NRG3: variants seen among roughly 807,000 people sequenced by gnomAD.
The protein encoded by NRG3 is neuregulin 3, also known as pro-neuregulin-3, membrane-bound isoform.
Under a neutral mutation model 66.9 loss-of-function variants are expected in NRG3, and 31 were observed. The observed-to-expected ratio is 0.46, with a 90% CI of 0.35 to 0.63. NRG3 has a LOEUF of 0.63. NRG3 is among the 20% of genes least tolerant of loss of function. NRG3 has a pLI of 0.00. For missense variants in NRG3, 910 were observed against 878.9 expected (o/e 1.04, Z -0.45); for synonymous variants, 393 against 359.4 (o/e 1.09, Z -1.06).
chr10:82,105,791 G>A (rs1188060943), intron 1 of NRG3, among the ~76,000 whole-genome samples: 1 of 152,060 alleles, frequency 6.6e-6, no homozygotes, highest in Non-Finnish European at 1.5e-5. Flanking sequence ...GAGATAACAG[G>A]GATAAAGGAA....
At chr10:81,916,733 G>A (rs897408670) in intron 1 of NRG3, among the ~76,000 whole-genome samples, 13 of 152,182 alleles carry the variant, frequency 8.5e-5, no homozygotes, top group African/African-American at 3.1e-4. Context: ...GCCTTGATTT[G>A]TATTTGAGGC....
intron 1 of NRG3, chr10:82,166,742 TG>T: frequency 3.0e-6 from 2 of 666,088 alleles, no homozygotes; most frequent in South Asian, 1.6e-5. Context: ...TATAATCATC[TG>T]GTATTATTTT....
chr10:82,623,602 A>G (rs1034237361), intron 2 of NRG3, among the ~76,000 whole-genome samples: 1 of 152,286 alleles, frequency 6.6e-6, no homozygotes, highest in East Asian at 1.9e-4. Context: ...TTTTCAGCCA[A>G]ATTGTAGTAC....
chr10:82,194,282 G>A (rs2074331195), intron 1 of NRG3, among the ~76,000 whole-genome samples: 1 of 152,118 alleles, frequency 6.6e-6, no homozygotes, highest in Non-Finnish European at 1.5e-5. Flanking sequence ...GGAGTGCTGT[G>A]ACAAAGAACA....
chr10:82,003,101 GA>G (rs1175595200), intron 1 of NRG3, among the ~76,000 whole-genome samples: 1 of 152,132 alleles, frequency 6.6e-6, no homozygotes, highest in African/African-American at 2.4e-5. Flanking sequence ...GTATTAGTTT[GA>G]AAAAAGGTCA....
intron 1 of NRG3, among the ~76,000 whole-genome samples, chr10:81,905,383 A>G (rs944995038): frequency 6.6e-6 from 1 of 152,136 alleles, no homozygotes; most frequent in East Asian, 1.9e-4. Context: ...CTACCTGGAT[A>G]TGTTATTTTT....
At chr10:82,315,341 T>C (rs1401918179) in intron 1 of NRG3, among the ~76,000 whole-genome samples, 1 of 152,226 alleles carries the variant, frequency 6.6e-6, no homozygotes, top group Non-Finnish European at 1.5e-5. Flanking sequence ...GCAGAGCTGA[T>C]CTTTGCCTTT....
chr10:82,390,017 G>A (rs1589954008), intron 2 of NRG3, among the ~76,000 whole-genome samples: 1 of 152,274 alleles, frequency 6.6e-6, no homozygotes, highest in Middle Eastern at 3.4e-3. Flanking sequence ...CAAAACTGCA[G>A]CTAGTCACTT....
At chr10:82,565,194 T>C (rs2045321044) in intron 2 of NRG3, among the ~76,000 whole-genome samples, 1 of 152,080 alleles carries the variant, frequency 6.6e-6, no homozygotes, top group Non-Finnish European at 1.5e-5. Flanking sequence ...TTGGGGAAAA[T>C]GCCAGGTAGG....
intron 2 of NRG3, among the ~76,000 whole-genome samples, chr10:82,668,045 A>G (rs2052941587): frequency 6.6e-6 from 1 of 152,192 alleles, no homozygotes; most frequent in Admixed American, 6.5e-5. Context: ...GAAGTGAAAA[A>G]TTAAACCAGC....
intron 2 of NRG3, among the ~76,000 whole-genome samples, chr10:82,424,192 C>G (rs2089268496): frequency 6.6e-6 from 1 of 152,016 alleles, no homozygotes. Flanking sequence ...GGTAATTCTG[C>G]ATTTAACATC....
intron 1 of NRG3, among the ~76,000 whole-genome samples, chr10:82,162,462 T>C (rs2071675663): frequency 1.3e-5 from 2 of 152,166 alleles, no homozygotes; most frequent in African/African-American, 4.8e-5. Flanking sequence ...AAATATATTA[T>C]TCTGTTTGCA....
intron 2 of NRG3, among the ~76,000 whole-genome samples, chr10:82,462,564 G>C (rs77861027): frequency 0.01 from 1,525 of 152,238 alleles, 29 homozygotes; most frequent in African/African-American, 0.035. Context: ...AGAGATTGAA[G>C]CTGGAGGCCC....
intron 2 of NRG3, among the ~76,000 whole-genome samples, chr10:82,364,093 T>A (rs542792337): frequency 3.9e-5 from 6 of 152,296 alleles, no homozygotes; most frequent in Non-Finnish European, 7.4e-5. Flanking sequence ...ATTTCATTTA[T>A]GTAACACCCG....
intron 1 of NRG3, among the ~76,000 whole-genome samples, chr10:81,969,560 A>T (rs1312047954): frequency 1.3e-5 from 2 of 152,186 alleles, no homozygotes; most frequent in Non-Finnish European, 2.9e-5. Flanking sequence ...TACACAAAAA[A>T]ATCCAGCGTG....
chr10:82,938,383 G>A lies in NRG3; in HGVS notation c.1055-13086G>A, dbSNP rs1488979857. On this transcript the variant is annotated intron_variant, in intron 4 of 8. Coordinates refer to ENST00000372141, the MANE Select transcript of NRG3 (RefSeq NM_001010848.4). ...GAGGTGTTTCTAATGTATAGCCAGAGGAGAGAACCCCTGCCTGGAGTCCAT... is the reference window on the plus strand; with the variant it reads ...GAGGTGTTTCTAATGTATAGCCAGAAGAGAGAACCCCTGCCTGGAGTCCAT... Among the ~76,000 whole-genome samples the A allele has an allele frequency of 3.3e-5, 5 of 152,186 alleles. No homozygotes were observed. The East Asian group carries it at 9.6e-4, about 29-fold the overall frequency.
intron 2 of NRG3, among the ~76,000 whole-genome samples, chr10:82,451,573 A>T (rs1436693733): frequency 6.6e-6 from 1 of 152,184 alleles, no homozygotes; most frequent in Non-Finnish European, 1.5e-5. Context: ...CCAACCTTAC[A>T]TTCATCTCAA....
chr10:82,128,570 C>T (rs1254867259), intron 1 of NRG3, among the ~76,000 whole-genome samples: 1 of 151,966 alleles, frequency 6.6e-6, no homozygotes, highest in African/African-American at 2.4e-5. Context: ...ATCTTTAATG[C>T]TGCATTGAAC....
intron 2 of NRG3, among the ~76,000 whole-genome samples, chr10:82,726,587 G>A (rs2644211): frequency 0.56 from 84,896 of 151,922 alleles, 24,271 homozygotes; most frequent in East Asian, 0.69. Context: ...AGCCTCCCCA[G>A]CCATGTGGAA....
Sources: allele counts gnomAD v4.1 joint callset (sites outside exome capture counted in the v4.1 genomes callset), GRCh38; gene constraint gnomAD v4.1.1; transcripts MANE v1.5; gene names NCBI Gene and HGNC (gene_info 2026-07-23, HGNC 2026-07-21).